MAD1L1: variants seen among roughly 807,000 people sequenced by gnomAD.
MAD1L1 encodes the protein mitotic arrest deficient 1 like 1, also known as mitotic spindle assembly checkpoint protein MAD1.
In MAD1L1, 95 loss-of-function variants were observed where a neutral mutation model predicts 96.9. The observed-to-expected ratio is 0.98, with a 90% CI of 0.83 to 1.16. The LOEUF (loss-of-function observed/expected upper bound fraction) is 1.16, where lower values mean the gene tolerates loss of function less well. Ranked by LOEUF, MAD1L1 falls within the 50% of genes most tolerant of loss-of-function variation. MAD1L1 has a pLI of 0.00. For synonymous variants in MAD1L1, 473 were observed against 396.6 expected (o/e 1.19, Z -2.29); for missense variants, 1,007 against 954.4 (o/e 1.06, Z -0.73).
chr7:2,151,406 CAT>C (rs1449854913), intron 10 of MAD1L1, among the ~76,000 whole-genome samples: 23 of 152,238 alleles, frequency 1.5e-4, no homozygotes, highest in Non-Finnish European at 2.2e-4. Context: ...AGGGACCTCA[CAT>C]GTCACTGGAC....
intron 17 of MAD1L1, among the ~76,000 whole-genome samples, chr7:1,935,110 G>A (rs968529473): frequency 6.6e-6 from 1 of 152,250 alleles, no homozygotes; most frequent in African/African-American, 2.4e-5. Flanking sequence ...GCACAGGCCC[G>A]TGACAGCAGG....
chr7:2,137,942 A>T (rs1415871168), intron 11 of MAD1L1, among the ~76,000 whole-genome samples: 1 of 152,158 alleles, frequency 6.6e-6, no homozygotes, highest in Admixed American at 6.5e-5. Context: ...GCCATGTCGG[A>T]TAACTATGCG....
rs1017325738 is a variant in MAD1L1, at chr7:2,142,787, G to A, written c.1073+6365C>T. ...CCCTTATGCCGAGAGCAGGTGGTCA[G>A]GTTGAGCATGAGACTTGCTGGGAAC... On this transcript the variant is annotated intron_variant, in intron 11 of 18. Transcript: ENST00000265854. The surrounding 1 kb of genome is among the most constrained non-coding windows in gnomAD (Gnocchi z 4.7). 2.0e-5 allele frequency among the ~76,000 whole-genome samples: 3 copies of A among 152,266 alleles called. No homozygotes were observed. The highest frequency in any genetic ancestry group is 2.9e-5 in the Non-Finnish European group (2 of 68,042).
rs1017167837 is a variant in MAD1L1, at chr7:1,968,184, G to A, written c.1506-10465C>T. Reference sequence around the variant, plus strand: ...AAACAGCTTCGCGGACGAGGCACCCGGCAGAGCACGCCTCAATCCGGCGGT... The same window carrying A: ...AAACAGCTTCGCGGACGAGGCACCCAGCAGAGCACGCCTCAATCCGGCGGT... On this transcript the variant is annotated intron_variant, in intron 15 of 18. Transcript: ENST00000265854. This position sits in a 1 kb window ranked among gnomAD's most constrained non-coding sequence, Gnocchi z 5.6. 7.2e-5 allele frequency among the ~76,000 whole-genome samples: 11 copies of A among 152,348 alleles called. No homozygotes were observed. Among genetic ancestry groups the A allele is most frequent in the Non-Finnish European group, 1.0e-4 (7 of 68,034 alleles).
intron 10 of MAD1L1, among the ~76,000 whole-genome samples, chr7:2,150,801 G>A (rs554962670): frequency 2.6e-4 from 40 of 152,250 alleles, no homozygotes; most frequent in African/African-American, 8.9e-4. Flanking sequence ...AGCACGCCAC[G>A]GCCTTCTCCC....
intron 17 of MAD1L1, among the ~76,000 whole-genome samples, chr7:1,934,380 C>T (rs781186481): frequency 3.9e-5 from 6 of 152,148 alleles, no homozygotes; most frequent in Admixed American, 6.5e-5. Context: ...AACAGACGGG[C>T]GAACCCGAGA....
chr7:2,044,882 G>T (rs868453708), intron 12 of MAD1L1, among the ~76,000 whole-genome samples: 1 of 152,052 alleles, frequency 6.6e-6, no homozygotes, highest in Non-Finnish European at 1.5e-5. Context: ...GAGCCCAGGG[G>T]AGGCAACAGC....
chr7:1,998,332 G>A (rs548313447), intron 14 of MAD1L1, among the ~76,000 whole-genome samples: 44 of 152,344 alleles, frequency 2.9e-4, no homozygotes, highest in African/African-American at 9.6e-4. Flanking sequence ...TGCCAGCTCC[G>A]AGGCGTCCGT....
chr7:2,167,444 G>A (rs887274512), intron 10 of MAD1L1, among the ~76,000 whole-genome samples: 2 of 152,120 alleles, frequency 1.3e-5, no homozygotes, highest in Admixed American at 6.5e-5. Context: ...AGCTACTCGG[G>A]AGGCTGAGGC....
At chr7:2,117,381 C>T (rs1470526133) in intron 11 of MAD1L1, among the ~76,000 whole-genome samples, 1 of 152,234 alleles carries the variant, frequency 6.6e-6, no homozygotes, top group Non-Finnish European at 1.5e-5. Flanking sequence ...CCCACATGGT[C>T]GTGGTCTCTA....
At chr7:2,149,964 T>C (rs1789488983) in intron 10 of MAD1L1, among the ~76,000 whole-genome samples, 1 of 152,214 alleles carries the variant, frequency 6.6e-6, no homozygotes, top group Admixed American at 6.5e-5. Context: ...CAAGGCTCCC[T>C]GGCTAGACTG....
At chr7:1,977,037 C>A (rs1780674705) in intron 15 of MAD1L1, among the ~76,000 whole-genome samples, 1 of 152,282 alleles carries the variant, frequency 6.6e-6, no homozygotes, top group African/African-American at 2.4e-5. Context: ...GACTCAGGAG[C>A]CCAGCTGGCT....
At chr7:2,019,789 C>T (rs980462775) in intron 12 of MAD1L1, among the ~76,000 whole-genome samples, 2 of 152,214 alleles carry the variant, frequency 1.3e-5, no homozygotes, top group Non-Finnish European at 2.9e-5. Context: ...TCCCTGTGCT[C>T]GGCCCACGCC....
At chr7:2,073,743 G>T (rs1306069497) in intron 11 of MAD1L1, among the ~76,000 whole-genome samples, 2 of 152,238 alleles carry the variant, frequency 1.3e-5, no homozygotes, top group Non-Finnish European at 2.9e-5. Context: ...GCTGAGCACA[G>T]GCTGGAAAAG....
chr7:2,104,830 G>A (rs1039532644), intron 11 of MAD1L1, among the ~76,000 whole-genome samples: 2 of 152,220 alleles, frequency 1.3e-5, no homozygotes, highest in Admixed American at 1.3e-4. Flanking sequence ...CCCACGCCAG[G>A]CCGTGCACAG....
At position 1,911,741 on chromosome 7, in the gene MAD1L1, GA is replaced by G. The variant is rs143756721; in HGVS notation, c.1808-13352del. Among the ~76,000 whole-genome samples, 320 of 152,112 alleles carry G rather than the reference GA, an allele frequency of 2.1e-3. 1 individual carries two copies. The highest frequency in any genetic ancestry group is 7.6e-3 in the African/African-American group (315 of 41,400). Reference sequence around the variant, plus strand: ...CGTCTCCAGTCTGGCGTCACCTCCAGATGAGGCCCCTCTTGGGCATCCCAAC... The same window carrying G: ...CGTCTCCAGTCTGGCGTCACCTCCAGTGAGGCCCCTCTTGGGCATCCCAAC... On this transcript the variant is annotated intron_variant, in intron 17 of 18. Transcript: ENST00000265854.
Position 2,035,168 on chromosome 7 carries a change from C to T in MAD1L1, c.1219-20526G>A, listed in dbSNP as rs77370695. Among the ~76,000 whole-genome samples the T allele has an allele frequency of 4.9e-3, 740 of 152,262 alleles. 25 individuals are homozygous for T. Among genetic ancestry groups the T allele is most frequent in the Admixed American group, 0.042 (635 of 15,198 alleles). On this transcript the variant is annotated intron_variant, in intron 12 of 18. Coordinates refer to ENST00000265854, the MANE Select transcript of MAD1L1 (RefSeq NM_001013836.2). ...AGCCCAGAGGGGCCACATGACCCCA[C>T]AGACAACCCCAGGGACACGCAGACC...
chr7:1,909,996 C>T (rs1163296972), intron 17 of MAD1L1, among the ~76,000 whole-genome samples: 2 of 152,178 alleles, frequency 1.3e-5, no homozygotes, highest in East Asian at 1.9e-4. Flanking sequence ...GTGTGATTAA[C>T]GACTTACTCC....
chr7:1,866,628 A>T (rs886389047), intron 18 of MAD1L1, among the ~76,000 whole-genome samples: 1 of 152,210 alleles, frequency 6.6e-6, no homozygotes, highest in Non-Finnish European at 1.5e-5. Flanking sequence ...CAGGCAGGCA[A>T]CGCAGAGGCC....
Sources: gnomAD v4.1 joint callset for allele counts (sites outside exome capture counted in the v4.1 genomes callset) on GRCh38, gnomAD v4.1.1 for gene constraint, Gnocchi (gnomAD v3.1) non-coding constraint, MANE v1.5 for transcripts, NCBI Gene and HGNC (gene_info 2026-07-23, HGNC 2026-07-21) for gene names.